The following LPP variants were observed in gnomAD, a reference collection of about 807,000 sequenced individuals.
LPP encodes the protein lipoma-preferred partner.
A neutral mutation model predicts 60.4 loss-of-function variants in LPP; 38 were observed. The observed-to-expected ratio is 0.63, with a 90% CI of 0.49 to 0.83. The LOEUF is 0.83. LPP is among the 40% of genes least tolerant of loss of function. The pLI, the probability that LPP is intolerant of heterozygous loss-of-function variation, is 0.00. For missense variants in LPP, 902 were observed against 783.6 expected (o/e 1.15, Z -1.80); for synonymous variants, 328 against 290.8 (o/e 1.13, Z -1.30).
intron 7 of LPP, among the ~76,000 whole-genome samples, chr3:188,637,647 A>G (rs1215588166): frequency 1.3e-5 from 2 of 152,034 alleles, no homozygotes; most frequent in African/African-American, 4.8e-5. Flanking sequence ...AGAGAGAAGA[A>G]TCAAATAGAT....
At chr3:188,222,393 A>G (rs1716122365) in intron 1 of LPP, among the ~76,000 whole-genome samples, 1 of 152,190 alleles carries the variant, frequency 6.6e-6, no homozygotes, top group Non-Finnish European at 1.5e-5. Flanking sequence ...GAATTAGTGC[A>G]TATTGTGTGC....
At chr3:188,378,126 G>A (rs1327583080) in intron 3 of LPP, among the ~76,000 whole-genome samples, 1 of 152,216 alleles carries the variant, frequency 6.6e-6, no homozygotes. Flanking sequence ...ACTGGGGGGT[G>A]CCTCCCAGTT....
Position 188,609,489 on chromosome 3 carries a change from C to G in LPP, c.758C>G (p.Thr253Ser), listed in dbSNP as rs922109158. The change falls in exon 7 of 12, where the codon ACT becomes AGT. Residue 253 changes from threonine to serine, a missense_variant. Physicochemically the swap from Thr to Ser is moderately conservative, Grantham distance 58. Transcript: ENST00000617246. The surrounding 1 kb of genome is among the most constrained non-coding windows in gnomAD (Gnocchi z 6.9). ...GGCTCAGGGCCCCAGGGCTATAACACTCAGCCAGTTCCTGTCTCTGGGCAG... is the reference window on the plus strand; with the variant it reads ...GGCTCAGGGCCCCAGGGCTATAACAGTCAGCCAGTTCCTGTCTCTGGGCAG... ...IYGSGPQGYN[T>S]QPVPVSGQCP... 3 of 1,614,106 alleles carry G rather than the reference C, an allele frequency of 1.9e-6. No homozygotes were observed. Among genetic ancestry groups the G allele is most frequent in the East Asian group, 2.2e-5 (1 of 44,892 alleles).
At position 188,708,289 on chromosome 3, in the gene LPP, G is replaced by A. The variant is rs148995934; in HGVS notation, c.1136G>A (p.Gly379Glu). 654 of 1,614,102 alleles carry A rather than the reference G, an allele frequency of 4.1e-4. 7 individuals are homozygous for A. The East Asian group carries it at 0.012, about 30-fold the overall frequency. Residue 379 changes from glycine (G) to glutamate (E), a missense_variant, in exon 8 of 12, where the codon GGG (glycine) becomes GAG (glutamate). Coordinates refer to ENST00000617246, the MANE Select transcript of LPP (RefSeq NM_001375462.1). ...CAGGGTGGCCATTCAGGGCAACTGG[G>A]GCCTTCGTCAGTTGCCCCTTCATTC... ...QPKGGHSGQL[G>E]PSSVAPSFRP...
chr3:188,495,103 ATATT>A (rs1467085890), intron 5 of LPP, among the ~76,000 whole-genome samples: 1 of 77,296 alleles, frequency 1.3e-5, no homozygotes, highest in Admixed American at 1.6e-4. Flanking sequence ...ATTTTATTAT[ATATT>A]TTTATATATT....
chr3:188,753,883 C>G (rs1729114291), intron 8 of LPP, among the ~76,000 whole-genome samples: 2 of 152,154 alleles, frequency 1.3e-5, no homozygotes, highest in South Asian at 2.1e-4. Flanking sequence ...AACCTTCAAG[C>G]CTCTCTATAG....
intron 7 of LPP, among the ~76,000 whole-genome samples, chr3:188,686,357 T>C (rs937176207): frequency 7.9e-5 from 12 of 152,150 alleles, no homozygotes; most frequent in African/African-American, 2.7e-4. Flanking sequence ...TCCTTTAAAC[T>C]AAGGTAACCC....
chr3:188,767,203 G>A (rs780672050), intron 9 of LPP, among the ~76,000 whole-genome samples: 2 of 152,120 alleles, frequency 1.3e-5, no homozygotes, highest in African/African-American at 4.8e-5. Flanking sequence ...CAAAGATGTA[G>A]TAGTAAACTC....
At chr3:188,770,403 G>C (rs1464822182) in intron 9 of LPP, among the ~76,000 whole-genome samples, 2 of 149,484 alleles carry the variant, frequency 1.3e-5, no homozygotes, top group Non-Finnish European at 3.0e-5. Context: ...GTGTTAGCCA[G>C]GATGGTCTTG....
chr3:188,489,541 C>G (rs143990869), intron 5 of LPP, among the ~76,000 whole-genome samples: 149 of 152,284 alleles, frequency 9.8e-4, no homozygotes, highest in African/African-American at 3.4e-3. Context: ...AACTGTGGAA[C>G]CTACTCTTTG....
chr3:188,736,682 T>C (rs973097269), intron 8 of LPP, among the ~76,000 whole-genome samples: 2 of 151,972 alleles, frequency 1.3e-5, no homozygotes, highest in African/African-American at 4.8e-5. Flanking sequence ...GATGGATGGA[T>C]GGATGGATGG....
intron 7 of LPP, among the ~76,000 whole-genome samples, chr3:188,704,104 A>G (rs1248974831): frequency 6.6e-6 from 1 of 152,134 alleles, no homozygotes; most frequent in East Asian, 1.9e-4. Context: ...TGTGGGAAGC[A>G]TCGTTTGCTT....
chr3:188,830,721 CAA>C (rs1215528706), intron 9 of LPP, among the ~76,000 whole-genome samples: 1 of 152,042 alleles, frequency 6.6e-6, no homozygotes, highest in African/African-American at 2.4e-5. Context: ...TGAGAAAATC[CAA>C]GAGGTCTCCA....
chr3:188,239,468 G>C (rs1723075954), intron 2 of LPP, among the ~76,000 whole-genome samples: 1 of 152,154 alleles, frequency 6.6e-6, no homozygotes, highest in Admixed American at 6.5e-5. Flanking sequence ...AGTCTTTTCT[G>C]TGCTCAATTT....
Position 188,746,568 on chromosome 3 carries a change from C to T in LPP, c.1241-13545C>T, listed in dbSNP as rs1726290020. Reference sequence around the variant, plus strand: ...ACTTTGCACTCTCCCTGTGTGGTATCTCTTGCCCAAGACAGAACTTCAAAT... The same window carrying T: ...ACTTTGCACTCTCCCTGTGTGGTATTTCTTGCCCAAGACAGAACTTCAAAT... On this transcript the variant is annotated intron_variant, in intron 8 of 11. Transcript: ENST00000617246. The T allele has an allele frequency of 8.2e-6, 4 of 485,628 alleles. No homozygotes were observed. The Admixed American group carries it at 9.3e-5, about 11-fold the overall frequency. 30.1% of individuals were successfully genotyped at this position (485,628 alleles called of 1,614,324 possible).
At chr3:188,748,834 T>A (rs1324245121) in intron 8 of LPP, among the ~76,000 whole-genome samples, 1 of 151,976 alleles carries the variant, frequency 6.6e-6, no homozygotes, top group Non-Finnish European at 1.5e-5. Context: ...AACTGGAAAG[T>A]TTCTGTTAAA....
At chr3:188,288,349 A>G (rs1577870397) in intron 2 of LPP, among the ~76,000 whole-genome samples, 1 of 152,278 alleles carries the variant, frequency 6.6e-6, no homozygotes, top group African/African-American at 2.4e-5. Flanking sequence ...CATTTCCAAA[A>G]CACTTTCAGA....
chr3:188,474,105 A>C (rs976860948), intron 4 of LPP, among the ~76,000 whole-genome samples: 4 of 152,204 alleles, frequency 2.6e-5, no homozygotes, highest in African/African-American at 9.6e-5. Flanking sequence ...CCATGGGAAA[A>C]GTTCATGTGT....
At chr3:188,462,919 C>T (rs1426730891) in intron 4 of LPP, among the ~76,000 whole-genome samples, 1 of 151,848 alleles carries the variant, frequency 6.6e-6, no homozygotes, top group Non-Finnish European at 1.5e-5. Context: ...CCAACCTGGC[C>T]AACATGGTGA....
Sources: allele counts gnomAD v4.1 joint callset (sites outside exome capture counted in the v4.1 genomes callset), GRCh38; gene constraint gnomAD v4.1.1; non-coding constraint Gnocchi (gnomAD v3.1); transcripts MANE v1.5; gene names NCBI Gene and HGNC (gene_info 2026-07-23, HGNC 2026-07-21).